PCGF3: variants seen among roughly 807,000 people sequenced by gnomAD.
PCGF3 encodes polycomb group RING finger protein 3.
Under a neutral mutation model 33.1 loss-of-function variants are expected in PCGF3, and 7 were observed. The observed-to-expected ratio is 0.21, with a 90% CI of 0.12 to 0.40. The LOEUF is 0.40. PCGF3 is among the 10% of genes least tolerant of loss of function. PCGF3 has a pLI of 1.00. For missense variants in PCGF3, 211 were observed against 313.3 expected, an observed-to-expected ratio of 0.67 and a Z score of 2.46; for synonymous variants, 153 against 121.3, an observed-to-expected ratio of 1.26 and a Z score of -1.72.
At chr4:752,639 C>T (rs983271256) in intron 8 of PCGF3, among the ~76,000 whole-genome samples, 3 of 151,944 alleles carry the variant, frequency 2.0e-5, no homozygotes, top group African/African-American at 7.3e-5. Flanking sequence ...CGCTGGGACT[C>T]GGGGGTGGGG....
intron 6 of PCGF3, among the ~76,000 whole-genome samples, chr4:738,372 G>C (rs1407428425): frequency 6.6e-6 from 1 of 152,252 alleles, no homozygotes; most frequent in African/African-American, 2.4e-5. Context: ...AGTAAACGTA[G>C]ATAGAAACAA....
exon 11 of PCGF3, chr4:766,375 C>G: frequency 3.3e-6 from 1 of 300,214 alleles, no homozygotes; most frequent in Middle Eastern, 9.3e-4. Context: ...GAGTCACCTT[C>G]TGACACGAGC....
At chr4:751,103 C>T (rs765837164) in intron 8 of PCGF3, among the ~76,000 whole-genome samples, 16 of 152,060 alleles carry the variant, frequency 1.1e-4, no homozygotes, top group Admixed American at 2.0e-4. Flanking sequence ...TCTTCTTTCT[C>T]TGCTCTAATG....
chr4:756,698 G>T (rs944567344), intron 8 of PCGF3, among the ~76,000 whole-genome samples: 2 of 152,068 alleles, frequency 1.3e-5, no homozygotes, highest in South Asian at 2.1e-4. Context: ...TACAGACCCA[G>T]TGTTACACAG....
At chr4:760,953 T>A (rs1745021813) in intron 8 of PCGF3, among the ~76,000 whole-genome samples, 1 of 152,246 alleles carries the variant, frequency 6.6e-6, no homozygotes, top group Non-Finnish European at 1.5e-5. Flanking sequence ...TGCGCCATGT[T>A]TGTCCGGACA....
At chr4:733,383 C>A (rs1268298340) in intron 3 of PCGF3, among the ~76,000 whole-genome samples, 1 of 152,236 alleles carries the variant, frequency 6.6e-6, no homozygotes, top group Non-Finnish European at 1.5e-5. Context: ...TATGGACCCT[C>A]CTCAGTCCTC....
At chr4:769,753 T>G (rs1456387495) in exon 11 of PCGF3, 5 of 152,648 alleles carry the variant, frequency 3.3e-5, no homozygotes, top group African/African-American at 1.2e-4. Flanking sequence ...CTCCCATGGC[T>G]TAATTGCCTA....
At chr4:750,098 C>T in intron 8 of PCGF3, among the ~76,000 whole-genome samples, 1 of 152,254 alleles carries the variant, frequency 6.6e-6, no homozygotes, top group Non-Finnish European at 1.5e-5. Context: ...AGCCCACGTG[C>T]CCGCCAAGTC....
chr4:764,927 C>T (rs1745279613), intron 9 of PCGF3, 57 bp from the exon 10 acceptor site: 5 of 1,175,728 alleles, frequency 4.3e-6, no homozygotes, highest in Admixed American at 3.4e-5. Flanking sequence ...TCAAGGTGGC[C>T]ATGTCAGTGT....
chr4:726,467 C>T (rs1245437249), intron 1 of PCGF3, among the ~76,000 whole-genome samples: 1 of 152,226 alleles, frequency 6.6e-6, no homozygotes, highest in Non-Finnish European at 1.5e-5. Context: ...GCCCTGGAGG[C>T]ACTGCCGAAA....
At chr4:737,717 T>A (rs1743896486) in intron 6 of PCGF3, among the ~76,000 whole-genome samples, 196 bp downstream of exon 6, 1 of 152,224 alleles carries the variant, frequency 6.6e-6, no homozygotes, top group Non-Finnish European at 1.5e-5. Flanking sequence ...AGACATCTTT[T>A]TACCCCTTAT....
At chr4:725,790 C>T (rs1210425985) in intron 1 of PCGF3, among the ~76,000 whole-genome samples, 5 of 152,126 alleles carry the variant, frequency 3.3e-5, no homozygotes, top group African/African-American at 1.2e-4. Flanking sequence ...AAACCCGAGT[C>T]GCTGCCCCTC....
chr4:729,746 T>C (rs1743475634), intron 1 of PCGF3, among the ~76,000 whole-genome samples: 2 of 152,192 alleles, frequency 1.3e-5, no homozygotes, highest in South Asian at 4.1e-4. Flanking sequence ...TAATAAAAAG[T>C]GCAGTTATGG....
exon 11 of PCGF3, chr4:766,050 C>T (rs753019870): frequency 6.2e-7 from 1 of 1,614,146 alleles, no homozygotes. Flanking sequence ...GCTCCTGCTG[C>T]ACTACAGACC....
In PCGF3 at chr4:714,987, CTG is replaced by C. The variant is rs549589361; in HGVS notation, c.-190+9018_-190+9019del. ...GCTGTAGACGCTGTGAGTGTGAGAA[CTG>C]GGTGTCGGTGCTGGGACCCTGTAGA... On this transcript the variant is annotated intron_variant, in intron 1 of 10. Transcript: ENST00000362003. Among the ~76,000 whole-genome samples the C allele has an allele frequency of 8.0e-4, 117 of 147,042 alleles. 1 individual carries two copies. Among genetic ancestry groups the C allele is most frequent in the Admixed American group, 1.9e-3 (28 of 14,748 alleles).
At chr4:764,790 G>A (rs1745270527) in intron 9 of PCGF3, 194 bp from the exon 10 acceptor site, 1 of 561,586 alleles carries the variant, frequency 1.8e-6, no homozygotes, top group Non-Finnish European at 3.2e-6. Flanking sequence ...CAGCTGTGAG[G>A]TAGGGACCAC....
chr4:710,541 C>G (rs986841294), intron 1 of PCGF3, among the ~76,000 whole-genome samples: 1 of 152,168 alleles, frequency 6.6e-6, no homozygotes, highest in South Asian at 2.1e-4. Context: ...AGAGACATCC[C>G]GTAAGTAAAT....
intron 8 of PCGF3, among the ~76,000 whole-genome samples, chr4:754,661 G>C (rs992360591): frequency 8.5e-5 from 13 of 152,212 alleles, no homozygotes; most frequent in Non-Finnish European, 1.9e-4. Flanking sequence ...GGGGGCCTGT[G>C]GCGAGAACTT....
intron 6 of PCGF3, among the ~76,000 whole-genome samples, chr4:739,831 T>C (rs1361727676): frequency 6.6e-6 from 1 of 152,202 alleles, no homozygotes; most frequent in Middle Eastern, 3.2e-3. Flanking sequence ...CCACTCTACG[T>C]TGAAGAAGTC....
Sources: allele counts gnomAD v4.1 joint callset (sites outside exome capture counted in the v4.1 genomes callset), GRCh38; gene constraint gnomAD v4.1.1; transcripts MANE v1.5; gene names NCBI Gene and HGNC (gene_info 2026-07-23, HGNC 2026-07-21).